Variants in DAB1 observed in about 807,000 individuals in gnomAD.
The protein encoded by DAB1 is disabled homolog 1.
A neutral mutation model predicts 64.6 loss-of-function variants in DAB1; 15 were observed. The observed-to-expected ratio is 0.23, with a 90% CI of 0.16 to 0.36. The LOEUF (loss-of-function observed/expected upper bound fraction) is 0.36. Among genes scored for constraint, DAB1 ranks in the 10% least tolerant of loss-of-function variants. DAB1 has a pLI of 1.00. For synonymous variants in DAB1, 235 were observed against 251.9 expected (o/e 0.93, Z 0.64); for missense variants, 596 against 706.7 (o/e 0.84, Z 1.78).
At chr1:57,241,247 A>C (rs1035631253) in intron 2 of DAB1, among the ~76,000 whole-genome samples, 1 of 152,228 alleles carries the variant, frequency 6.6e-6, no homozygotes, top group African/African-American at 2.4e-5. Context: ...CTGCTGCATA[A>C]CAGCCAAAAG....
At chr1:58,220,872 T>TAC (rs373869896) in intron 4 of DAB1, among the ~76,000 whole-genome samples, 73,440 of 146,634 alleles carry the variant, frequency 0.5, 19,555 homozygotes, top group Non-Finnish European at 0.63. Context: ...TATACATATA[T>TAC]ACACACACAC....
chr1:57,383,035 A>G (rs943544867), intron 1 of DAB1, among the ~76,000 whole-genome samples: 2 of 152,130 alleles, frequency 1.3e-5, no homozygotes, highest in African/African-American at 2.4e-5. Flanking sequence ...TATGAGTCCT[A>G]TGAAAAAAAT....
chr1:58,214,148 T>C (rs1658715116), intron 4 of DAB1, among the ~76,000 whole-genome samples: 1 of 152,184 alleles, frequency 6.6e-6, no homozygotes, highest in African/African-American at 2.4e-5. Flanking sequence ...TGTCATAAAC[T>C]TCTGGCTCTG....
chr1:57,428,316 T>C (rs982399105), upstream of DAB1, among the ~76,000 whole-genome samples: 5 of 152,212 alleles, frequency 3.3e-5, no homozygotes, highest in African/African-American at 1.2e-4. Flanking sequence ...TCCCCCCATT[T>C]TCCCCACTGT....
At chr1:58,490,471 G>A (rs529270447) in intron 3 of DAB1, among the ~76,000 whole-genome samples, 48 of 152,328 alleles carry the variant, frequency 3.2e-4, no homozygotes, top group African/African-American at 1.1e-3. Context: ...TCTGATTGGT[G>A]TACCTGAAAG....
At chr1:57,122,215 C>CTA (rs1656729095) in intron 4 of DAB1, among the ~76,000 whole-genome samples, 1 of 152,168 alleles carries the variant, frequency 6.6e-6, no homozygotes, top group Non-Finnish European at 1.5e-5. Context: ...GTTTACTCGG[C>CTA]TGCTAGATTA....
At chr1:57,816,650 T>C (rs1010612277) in intron 6 of DAB1, among the ~76,000 whole-genome samples, 5 of 152,188 alleles carry the variant, frequency 3.3e-5, no homozygotes, top group Non-Finnish European at 7.4e-5. Flanking sequence ...TAATGGAGAA[T>C]TCATTATTAT....
At chr1:57,275,999 G>GA (rs1485143693) in intron 2 of DAB1, among the ~76,000 whole-genome samples, 1 of 152,174 alleles carries the variant, frequency 6.6e-6, no homozygotes, top group African/African-American at 2.4e-5. Context: ...GGTTTTGTGA[G>GA]AAAAAGCTAA....
intron 14 of DAB1, among the ~76,000 whole-genome samples, chr1:57,001,105 GCA>G (rs1645845348): frequency 6.6e-6 from 1 of 152,174 alleles, no homozygotes; most frequent in South Asian, 2.1e-4. Context: ...ATACGTTTTG[GCA>G]ATAGCTGTAC....
chr1:57,508,801 G>A (rs1035644045), intron 7 of DAB1, among the ~76,000 whole-genome samples: 7 of 152,112 alleles, frequency 4.6e-5, no homozygotes, highest in African/African-American at 1.7e-4. Context: ...GATAGGGAGA[G>A]AATCTTATTA....
At position 57,476,263 on chromosome 1, in the gene DAB1, A is replaced by C. The variant is rs187695367; in HGVS notation, n.625+173329T>G. Among the ~76,000 whole-genome samples the C allele has an allele frequency of 4.6e-5, 7 of 151,518 alleles. No individual in the cohort carries two copies. The East Asian group carries it at 5.8e-4, about 13-fold the overall frequency. ...AAACAAAAAACAAAAACAAAAAAAA[A>C]CCAGTATAGTCATGAATGGAAAATG... On this transcript the variant is annotated intron_variant and non_coding_transcript_variant, in intron 7 of 20. Transcript: ENST00000485760.
chr1:57,683,435 C>A (rs762772539), intron 6 of DAB1, among the ~76,000 whole-genome samples: 1 of 152,200 alleles, frequency 6.6e-6, no homozygotes, highest in African/African-American at 2.4e-5. Flanking sequence ...CAAGGAAATA[C>A]AAAAGAGCCA....
chr1:58,216,663 C>T (rs1658872103), intron 4 of DAB1, among the ~76,000 whole-genome samples: 1 of 152,172 alleles, frequency 6.6e-6, no homozygotes. Context: ...AAAAGCATTC[C>T]TATTTCTCCA....
chr1:57,314,107 C>T (rs984982048), intron 1 of DAB1, among the ~76,000 whole-genome samples: 1 of 152,196 alleles, frequency 6.6e-6, no homozygotes, highest in Admixed American at 6.5e-5. Context: ...CAGGATTCTG[C>T]ATCTTTTGGC....
chr1:58,424,465 G>A (rs932373009), intron 3 of DAB1, among the ~76,000 whole-genome samples: 2 of 152,094 alleles, frequency 1.3e-5, no homozygotes, highest in African/African-American at 2.4e-5. Flanking sequence ...GGATTCTCTC[G>A]GTTTTATCTG....
chr1:58,322,289 C>T (rs1161891622), intron 4 of DAB1, among the ~76,000 whole-genome samples: 1 of 152,168 alleles, frequency 6.6e-6, no homozygotes, highest in Non-Finnish European at 1.5e-5. Context: ...AAACTACTAT[C>T]AGAGTGAACA....
chr1:57,589,202 A>T (rs1425584498), intron 7 of DAB1, among the ~76,000 whole-genome samples: 2 of 152,186 alleles, frequency 1.3e-5, no homozygotes, highest in South Asian at 2.1e-4. Context: ...CCTGGGCAAC[A>T]ACAGCGAAAC....
intron 6 of DAB1, among the ~76,000 whole-genome samples, chr1:57,797,392 C>G (rs1025737993): frequency 6.6e-6 from 1 of 152,212 alleles, no homozygotes; most frequent in South Asian, 2.1e-4. Flanking sequence ...TCTTGCTGTA[C>G]GATCCTACTT....
At chr1:57,889,269 A>T (rs1389762058) in intron 5 of DAB1, among the ~76,000 whole-genome samples, 1 of 152,260 alleles carries the variant, frequency 6.6e-6, no homozygotes, top group Non-Finnish European at 1.5e-5. Flanking sequence ...GGGCATGATC[A>T]TCAGTGAGTA....
Sources: allele counts gnomAD v4.1 joint callset (sites outside exome capture counted in the v4.1 genomes callset), GRCh38; gene constraint gnomAD v4.1.1; transcripts MANE v1.5; gene names NCBI Gene and HGNC (gene_info 2026-07-23, HGNC 2026-07-21).